Variants in ARAP1 observed in about 807,000 individuals in gnomAD.
The protein encoded by ARAP1 is arf-GAP with Rho-GAP domain, ANK repeat and PH domain-containing protein 1.
In ARAP1, 76 loss-of-function variants were observed where a neutral mutation model predicts 172.2. The observed-to-expected ratio is 0.44, with a 90% CI of 0.37 to 0.53. The LOEUF is 0.53. ARAP1 is among the 20% of genes least tolerant of loss of function. The probability of loss-of-function intolerance (pLI) is 0.00; values close to 1 mark genes in which losing one functional copy is unlikely to be tolerated. For missense variants in ARAP1, 1,686 were observed against 1,977.5 expected, an observed-to-expected ratio of 0.85 and a Z score of 2.80; for synonymous variants, 804 against 803.3, an observed-to-expected ratio of 1.00 and a Z score of -0.01.
Position 72,704,347 on chromosome 11 carries a change from G to A in ARAP1, c.1810-13C>T, listed in dbSNP as rs2135524830. On this transcript the variant is annotated splice_polypyrimidine_tract_variant and intron_variant, in intron 13 of 34. Coordinates refer to ENST00000393609, the MANE Select transcript of ARAP1 (RefSeq NM_001040118.3). ...GCTGTAAGAAGAGCTGTGGGGGTGT[G>A]CAGGAGGTCAGACGGGCCAGCTGAC... 4 of 1,547,646 alleles carry A rather than the reference G, an allele frequency of 2.6e-6. No individual in the cohort carries two copies. Among genetic ancestry groups the A allele is most frequent in the South Asian group, 2.5e-5 (2 of 80,922 alleles).
chr11:72,716,270 A>C (rs1467542182), intron 3 of ARAP1, among the ~76,000 whole-genome samples: 1 of 151,970 alleles, frequency 6.6e-6, no homozygotes, highest in Non-Finnish European at 1.5e-5. Flanking sequence ...CCCTGACTCC[A>C]AAGTTTATGA....
In ARAP1 at chr11:72,703,021, C is replaced by G; in HGVS notation, c.2051G>C (p.Cys684Ser). Residue 684 changes from cysteine to serine, a missense_variant, in exon 15 of 35, where the codon TGT becomes TCT. By Grantham distance (112) the Cys-to-Ser change is moderately radical. Transcript: ENST00000393609. ...DLAETQALLGCGAGINCFSGD... is the reference protein window; with the variant it reads ...DLAETQALLGSGAGINCFSGD... The stretch of plus-strand genomic sequence containing the variant: ...CGAGAAGCAGTTGATCCCAGCCCCA[C>G]AGCCCAGGAGCGCCTGGGTCTCAGC... 1.3e-6 allele frequency: 2 copies of G among 1,594,112 alleles called. No individual in the cohort carries two copies. Among genetic ancestry groups the G allele is most frequent in the Non-Finnish European group, 1.7e-6 (2 of 1,171,486 alleles).
intron 1 of ARAP1, among the ~76,000 whole-genome samples, chr11:72,745,182 CTTTTTTT>C (rs902550014): frequency 1.7e-4 from 15 of 88,312 alleles, no homozygotes; most frequent in African/African-American, 5.9e-4. Context: ...AAGTTTCTTT[CTTTTTTT>C]TTTTTTTTTT....
At chr11:72,711,317 T>A in intron 8 of ARAP1, 113 bp downstream of exon 8, 2 of 1,478,196 alleles carry the variant, frequency 1.4e-6, no homozygotes, top group Non-Finnish European at 1.9e-6. Flanking sequence ...GGTTAAGGGG[T>A]CAGACTTAGA....
chr11:72,711,346 C>A, intron 8 of ARAP1, 84 bp downstream of exon 8: 1 of 1,536,884 alleles, frequency 6.5e-7, no homozygotes, highest in South Asian at 1.1e-5. Context: ...GAGGACTCCT[C>A]TGGGGAGGGA....
Position 72,713,239 on chromosome 11 carries a change from GT to G in ARAP1, c.683del (p.Asp228AlafsTer18), listed in dbSNP as rs1857114140. ...CCTCTGGGACCTCATCGTAGTCAGAGTCATCTGGTGAGAGAGGGGTTGGGGG... is the reference window on the plus strand; with the variant it reads ...CCTCTGGGACCTCATCGTAGTCAGAGCATCTGGTGAGAGAGGGGTTGGGGG... ...KPVRLFPEFD[D>X]SDYDEVPEEG... On this transcript the variant is annotated frameshift_variant, in exon 5 of 35. Coordinates refer to ENST00000393609, the MANE Select transcript of ARAP1 (RefSeq NM_001040118.3). LOFTEE classifies it high-confidence loss of function. The G allele has an allele frequency of 6.2e-7, 1 of 1,613,390 alleles. No homozygotes were observed. Among genetic ancestry groups the G allele is most frequent in the East Asian group, 2.2e-5 (1 of 44,848 alleles).
intron 7 of ARAP1, among the ~76,000 whole-genome samples, chr11:72,711,885 C>G (rs775961580): frequency 6.6e-6 from 1 of 151,960 alleles, no homozygotes; most frequent in East Asian, 1.9e-4. Flanking sequence ...TTTGTAGAGA[C>G]GAGGTCTCGC....
chr11:72,718,434 A>G lies in ARAP1; in HGVS notation c.510-4113T>C, dbSNP rs559473181. Among the ~76,000 whole-genome samples the G allele has an allele frequency of 2.6e-5, 4 of 151,922 alleles. No individual in the cohort carries two copies. In the East Asian group the frequency reaches 7.8e-4, roughly 29 times the overall value. On this transcript the variant is annotated intron_variant, in intron 3 of 34. Coordinates refer to ENST00000393609, the MANE Select transcript of ARAP1 (RefSeq NM_001040118.3). ...TGTCACCCACTGGACCACGTCCTCA[A>G]TGGCGCCACCTCCAAGCCTTCACAC... is the stretch of plus-strand genomic sequence containing the variant.
chr11:72,729,111 A>C (rs1435747158), intron 2 of ARAP1, among the ~76,000 whole-genome samples: 1 of 152,242 alleles, frequency 6.6e-6, no homozygotes, highest in African/African-American at 2.4e-5. Flanking sequence ...CAGAAAGTTC[A>C]AAAGTAGACC....
rs530123640 is a variant in ARAP1 at position 72,710,592 on chromosome 11, A to G, written c.1214-5T>C. Reference sequence around the variant, plus strand: ...GCATCCACTCCTTCCGCTCCACTGCAGGAGAAGGGTAGAGGAGTAAGCCCA... The same window carrying G: ...GCATCCACTCCTTCCGCTCCACTGCGGGAGAAGGGTAGAGGAGTAAGCCCA... On this transcript the variant is annotated splice_region_variant and splice_polypyrimidine_tract_variant and intron_variant, in intron 9 of 34. Transcript: ENST00000393609. This position sits in a 1 kb window ranked among gnomAD's most constrained non-coding sequence, Gnocchi z 4.3. 1 of 1,602,948 alleles carries G rather than the reference A, an allele frequency of 6.2e-7. No homozygotes were observed. Among genetic ancestry groups the G allele is most frequent in the African/African-American group, 1.3e-5 (1 of 75,000 alleles).
rs367648910 is a variant in ARAP1 at position 72,697,184 on chromosome 11, C to G, written c.2965G>C (p.Glu989Gln). Reference sequence around the variant, plus strand: ...TGCCCACACTTGCGGTAGATGCCCTCGGAGGTCAGGCCTAGGGAGGGGCGG... The same window carrying G: ...TGCCCACACTTGCGGTAGATGCCCTGGGAGGTCAGGCCTAGGGAGGGGCGG... ...DYITQCGLTSEGIYRKCGQTS... is the reference protein window; with the variant it reads ...DYITQCGLTSQGIYRKCGQTS... The change falls in exon 22 of 35, where the codon GAG becomes CAG. Residue 989 changes from glutamate (E) to glutamine (Q), a missense_variant. Physicochemically the swap from Glu to Gln is conservative, Grantham distance 29. This residue lies in a region of ARAP1 where 274 missense variants were observed against 262.7 expected (regional missense o/e 1.04). Coordinates refer to ENST00000393609, the MANE Select transcript of ARAP1 (RefSeq NM_001040118.3). The G allele has an allele frequency of 1.4e-5, 23 of 1,598,412 alleles. No individual in the cohort carries two copies. The highest frequency in any genetic ancestry group is 2.7e-5 in the African/African-American group (2 of 74,346).
At chr11:72,751,204 C>T (rs1858521489) in intron 1 of ARAP1, among the ~76,000 whole-genome samples, 1 of 152,138 alleles carries the variant, frequency 6.6e-6, no homozygotes, top group Non-Finnish European at 1.5e-5. Context: ...AGGCCCAGTC[C>T]TGACAATCCC....
chr11:72,692,739 C>G lies in ARAP1; in HGVS notation c.3987+14G>C. The G allele has an allele frequency of 6.2e-7, 1 of 1,613,796 alleles. No homozygotes were observed. Among genetic ancestry groups the G allele is most frequent in the Non-Finnish European group, 8.5e-7 (1 of 1,179,994 alleles). ...TGGTGTAAGGCAGCTGGCAGTCAGC[C>G]CACAGCTACTCACGGTCTCAGGGGC... On this transcript the variant is annotated intron_variant, in intron 30 of 34. Transcript: ENST00000393609.
chr11:72,729,268 C>T (rs1857787461), intron 2 of ARAP1, among the ~76,000 whole-genome samples: 1 of 152,134 alleles, frequency 6.6e-6, no homozygotes, highest in African/African-American at 2.4e-5. Context: ...CAACAAGAAA[C>T]ATTACAGCTG....
chr11:72,702,625 G>A (rs1398679692), intron 15 of ARAP1, among the ~76,000 whole-genome samples: 1 of 152,190 alleles, frequency 6.6e-6, no homozygotes, highest in African/African-American at 2.4e-5. Context: ...AAATCCGGGG[G>A]GCTCAGAGGC....
chr11:72,699,634 C>T lies in ARAP1; in HGVS notation c.2303-82G>A, dbSNP rs2135512771. ...CCTCTGCATCCTCCCGGGGCTCCTG[C>T]TCCCATCTGACCCATGAGCTCTTCA... On this transcript the variant is annotated intron_variant, in intron 16 of 34. Coordinates refer to ENST00000393609, the MANE Select transcript of ARAP1 (RefSeq NM_001040118.3). This position sits in a 1 kb window ranked among gnomAD's most constrained non-coding sequence, Gnocchi z 4.2. The T allele has an allele frequency of 1.3e-6, 2 of 1,520,474 alleles. No homozygotes were observed. Among genetic ancestry groups the T allele is most frequent in the South Asian group, 1.2e-5 (1 of 81,456 alleles). The allele number at this position is 1,520,474 out of a possible 1,614,324, so 94.2% of individuals were successfully genotyped here.
rs944678662 is a variant in ARAP1 at position 72,741,391 on chromosome 11, C to T, written c.-127-8794G>A. Among the ~76,000 whole-genome samples, 1 of 152,180 alleles carries T rather than the reference C, an allele frequency of 6.6e-6. No homozygotes were observed. The highest frequency in any genetic ancestry group is 6.5e-5 in the Admixed American group (1 of 15,280). On this transcript the variant is annotated intron_variant, in intron 1 of 34. Coordinates refer to ENST00000393609, the MANE Select transcript of ARAP1 (RefSeq NM_001040118.3). This position sits in a 1 kb window ranked among gnomAD's most constrained non-coding sequence, Gnocchi z 4.5. ...CTCGGCCTAGCTCAGGCCCTTCCCA[C>T]TTAGAAAGGTGACTCAACCAGCCCC... is the stretch of plus-strand genomic sequence containing the variant.
chr11:72,715,984 A>G (rs1230155119), intron 3 of ARAP1, among the ~76,000 whole-genome samples: 1 of 151,992 alleles, frequency 6.6e-6, no homozygotes, highest in African/African-American at 2.4e-5. Flanking sequence ...CATCCTGGCT[A>G]ACACAGTGAA....
Position 72,693,892 on chromosome 11 carries a change from T to C in ARAP1, c.3695-87A>G. ...CAGATGGGCACATATCACCTACACA[T>C]CCCCTGTCCACTCCAACCATATGCA... On this transcript the variant is annotated intron_variant, in intron 27 of 34. Coordinates refer to ENST00000393609, the MANE Select transcript of ARAP1 (RefSeq NM_001040118.3). This position sits in a 1 kb window ranked among gnomAD's most constrained non-coding sequence, Gnocchi z 4.6. 3.7e-6 allele frequency: 4 copies of C among 1,071,140 alleles called. No homozygotes were observed. Among genetic ancestry groups the C allele is most frequent in the Non-Finnish European group, 5.3e-6 (4 of 747,860 alleles). The allele number at this position is 1,071,140 out of a possible 1,614,324, so 66.4% of individuals were successfully genotyped here.
Sources: gnomAD v4.1 joint callset for allele counts (sites outside exome capture counted in the v4.1 genomes callset) on GRCh38, gnomAD v4.1.1 for gene constraint, gnomAD v4.1.1 regional missense constraint, Gnocchi (gnomAD v3.1) non-coding constraint, MANE v1.5 for transcripts, NCBI Gene and HGNC (gene_info 2026-07-23, HGNC 2026-07-21) for gene names.